Variants in CCSER1 observed in about 807,000 individuals in gnomAD.
CCSER1 encodes the protein serine-rich coiled-coil domain-containing protein 1.
In CCSER1, 41 loss-of-function variants were observed where a neutral mutation model predicts 82.0. The observed-to-expected ratio is 0.50, with a 90% CI of 0.39 to 0.65. The LOEUF is 0.65. CCSER1 is among the 30% of genes least tolerant of loss of function. The pLI is 0.00. For synonymous variants in CCSER1, 414 were observed against 383.9 expected, an observed-to-expected ratio of 1.08 and a Z score of -0.92; for missense variants, 1,119 against 1,064.2, an observed-to-expected ratio of 1.05 and a Z score of -0.72.
At chr4:90,959,679 TC>T (rs1357836755) in intron 9 of CCSER1, among the ~76,000 whole-genome samples, 3 of 77,934 alleles carry the variant, frequency 3.8e-5, no homozygotes, top group African/African-American at 1.3e-4. Context: ...ACCTGGGACT[TC>T]CTAATATATG....
intron 10 of CCSER1, among the ~76,000 whole-genome samples, chr4:91,164,980 A>T (rs898699862): frequency 6.6e-6 from 1 of 152,202 alleles, no homozygotes; most frequent in Non-Finnish European, 1.5e-5. Flanking sequence ...ATTGCTGGCG[A>T]GGAGCTGTGA....
At chr4:90,483,300 C>T (rs183289389) in intron 5 of CCSER1, among the ~76,000 whole-genome samples, 68 of 152,312 alleles carry the variant, frequency 4.5e-4, no homozygotes, top group African/African-American at 1.5e-3. Flanking sequence ...GAATACAGCA[C>T]ACTAATGGGT....
chr4:90,510,270 G>C (rs1304520767), intron 5 of CCSER1, among the ~76,000 whole-genome samples: 1 of 152,094 alleles, frequency 6.6e-6, no homozygotes, highest in Non-Finnish European at 1.5e-5. Flanking sequence ...ATGAGACTGA[G>C]ATCAATAAAG....
chr4:90,215,659 G>A (rs1740875026), intron 1 of CCSER1, among the ~76,000 whole-genome samples: 1 of 152,094 alleles, frequency 6.6e-6, no homozygotes, highest in South Asian at 2.1e-4. Flanking sequence ...ATCAAATGTG[G>A]GTCAAAGTAT....
At chr4:91,140,081 A>G (rs1431223576) in intron 10 of CCSER1, among the ~76,000 whole-genome samples, 1 of 152,090 alleles carries the variant, frequency 6.6e-6, no homozygotes, top group Non-Finnish European at 1.5e-5. Context: ...ATTGTGCTTT[A>G]TTCCTAATGA....
chr4:91,482,674 G>A (rs1758002373), intron 10 of CCSER1, among the ~76,000 whole-genome samples: 1 of 152,108 alleles, frequency 6.6e-6, no homozygotes, highest in Non-Finnish European at 1.5e-5. Flanking sequence ...ATTCACAATA[G>A]CAAAGACTTG....
chr4:91,446,132 G>A (rs1353559652), intron 10 of CCSER1, among the ~76,000 whole-genome samples: 1 of 152,086 alleles, frequency 6.6e-6, no homozygotes, highest in East Asian at 1.9e-4. Context: ...AGTAAGAACA[G>A]TGTGAAGGTC....
intron 10 of CCSER1, among the ~76,000 whole-genome samples, chr4:91,542,811 A>G (rs1046900971): frequency 2.0e-5 from 3 of 152,178 alleles, no homozygotes; most frequent in African/African-American, 4.8e-5. Context: ...GTAGATGTCT[A>G]TCAGGCCTGC....
At chr4:91,169,543 C>T (rs996363232) in intron 10 of CCSER1, among the ~76,000 whole-genome samples, 2 of 152,122 alleles carry the variant, frequency 1.3e-5, no homozygotes, top group African/African-American at 2.4e-5. Flanking sequence ...ATTGCTTGAA[C>T]CCAGGATGCA....
At chr4:91,101,281 C>T (rs1725031814) in intron 10 of CCSER1, among the ~76,000 whole-genome samples, 1 of 152,180 alleles carries the variant, frequency 6.6e-6, no homozygotes, top group Non-Finnish European at 1.5e-5. Context: ...CCAAAAGGGA[C>T]ACTAATTTAA....
chr4:90,484,142 C>T (rs1560590855), intron 5 of CCSER1, among the ~76,000 whole-genome samples: 2 of 152,170 alleles, frequency 1.3e-5, no homozygotes, highest in South Asian at 2.1e-4. Context: ...ATCACTGGTA[C>T]CCTTTCTTCC....
intron 10 of CCSER1, among the ~76,000 whole-genome samples, chr4:91,589,389 G>A (rs1487465069): frequency 6.6e-6 from 1 of 151,586 alleles, no homozygotes; most frequent in Non-Finnish European, 1.5e-5. Flanking sequence ...GCATTTATTG[G>A]ACTCCAGAAT....
intron 10 of CCSER1, among the ~76,000 whole-genome samples, chr4:91,482,161 G>C (rs912211575): frequency 6.6e-6 from 1 of 150,960 alleles, no homozygotes; most frequent in Non-Finnish European, 1.5e-5. Context: ...CCAGCACTTT[G>C]GGAGGCTGAG....
intron 7 of CCSER1, among the ~76,000 whole-genome samples, chr4:90,762,129 G>T: frequency 6.6e-6 from 1 of 152,206 alleles, no homozygotes; most frequent in South Asian, 2.1e-4. Context: ...ATCCACACAT[G>T]TCGTGGGAAG....
chr4:90,815,943 TA>T (rs1758955340), intron 8 of CCSER1, 98 bp downstream of exon 8: 2 of 710,996 alleles, frequency 2.8e-6, no homozygotes, highest in South Asian at 4.4e-5. Flanking sequence ...TAGTTATTTG[TA>T]AATCCTTCCA....
At chr4:90,498,475 G>A (rs1769363682) in intron 5 of CCSER1, among the ~76,000 whole-genome samples, 1 of 152,100 alleles carries the variant, frequency 6.6e-6, no homozygotes, top group Admixed American at 6.6e-5. Flanking sequence ...TTCTTATTAT[G>A]TTCAGAATAT....
intron 8 of CCSER1, among the ~76,000 whole-genome samples, chr4:90,919,437 C>A (rs1454555688): frequency 6.6e-6 from 1 of 151,766 alleles, no homozygotes; most frequent in Non-Finnish European, 1.5e-5. Context: ...AACAAAAACA[C>A]AGCTTTTGTA....
At chr4:91,319,089 A>G (rs746193979) in intron 10 of CCSER1, 3 of 284,578 alleles carry the variant, frequency 1.1e-5, no homozygotes, top group South Asian at 8.9e-5. Flanking sequence ...GGAAATTAAC[A>G]GATGGTAATT....
intron 10 of CCSER1, among the ~76,000 whole-genome samples, chr4:91,211,268 G>A (rs1736800491): frequency 6.6e-6 from 1 of 152,036 alleles, no homozygotes; most frequent in African/African-American, 2.4e-5. Context: ...CAAGTGGTGA[G>A]AATCTGTTGG....
Sources: gnomAD v4.1 joint callset for allele counts (sites outside exome capture counted in the v4.1 genomes callset) on GRCh38, gnomAD v4.1.1 for gene constraint, MANE v1.5 for transcripts, NCBI Gene and HGNC (gene_info 2026-07-23, HGNC 2026-07-21) for gene names.